The following ZDHHC3 variants were observed in gnomAD, a reference collection of about 807,000 sequenced individuals.
The protein encoded by ZDHHC3 is palmitoyltransferase ZDHHC3.
ZDHHC3 carries 9 observed loss-of-function variants against 30.6 expected under a neutral mutation model. That is an observed-to-expected ratio of 0.29 (90% confidence interval 0.18 to 0.51). ZDHHC3 has a LOEUF of 0.51. Ranked by LOEUF, ZDHHC3 falls within the 20% of genes least tolerant of loss-of-function variation. The pLI, the probability that ZDHHC3 is intolerant of heterozygous loss-of-function variation, is 0.97. For synonymous variants in ZDHHC3, 136 were observed against 140.2 expected, an observed-to-expected ratio of 0.97 and a Z score of 0.21; for missense variants, 246 against 384.2, an observed-to-expected ratio of 0.64 and a Z score of 3.01.
chr3:44,923,976 G>A lies in ZDHHC3; in HGVS notation c.*2713C>T, dbSNP rs535622438. ...CTAAGCCTTTTGCATATTCAGTCTA[G>A]TTGCTATGAACACAAACCTGACAGA... is the stretch of plus-strand genomic sequence containing the variant. On this transcript the variant is annotated 3_prime_UTR_variant, in exon 7 of 7. Transcript: ENST00000424952. 1 of 985,430 alleles carries A rather than the reference G, an allele frequency of 1.0e-6. No individual in the cohort carries two copies. The highest frequency in any genetic ancestry group is 1.1e-4 in the East Asian group (1 of 8,816). 61.0% of individuals were successfully genotyped at this position (985,430 alleles called of 1,614,324 possible).
rs1701649484 is a variant in ZDHHC3 at position 44,933,177 on chromosome 3, A to G, written c.551T>C (p.Leu184Ser). ...GAATCCCACCATGATGAGGGCGTGCAAGGAAATGAGAGCTATGTACATCTG... is the reference window on the plus strand; with the variant it reads ...GAATCCCACCATGATGAGGGCGTGCGAGGAAATGAGAGCTATGTACATCTG... Reference protein sequence around the residue: ...LFTMYIALISLHALIMVGFHF... With the variant: ...LFTMYIALISSHALIMVGFHF... Residue 184 changes from leucine to serine, a missense_variant, in exon 5 of 7, where the codon TTG (leucine) becomes TCG (serine). Transcript: ENST00000424952. 5.6e-6 allele frequency: 9 copies of G among 1,614,078 alleles called. No homozygotes were observed. The highest frequency in any genetic ancestry group is 6.8e-6 in the Non-Finnish European group (8 of 1,180,034).
At chr3:44,934,114 G>T in intron 3 of ZDHHC3, 130 bp from the exon 4 acceptor site, 2 of 877,654 alleles carry the variant, frequency 2.3e-6, no homozygotes, top group Non-Finnish European at 3.7e-6. Flanking sequence ...CAGGGGTTTT[G>T]CTGGGTGTGT....
intron 1 of ZDHHC3, among the ~76,000 whole-genome samples, chr3:44,965,611 T>A (rs1466452107): frequency 6.6e-6 from 1 of 152,154 alleles, no homozygotes; most frequent in African/African-American, 2.4e-5. Flanking sequence ...CTTTATCATG[T>A]GGCAAAAAAA....
In ZDHHC3 at chr3:44,922,476, G is replaced by A. The variant is rs909525086; in HGVS notation, c.*4213C>T. 4 of 985,254 alleles carry A rather than the reference G, an allele frequency of 4.1e-6. No homozygotes were observed. The highest frequency in any genetic ancestry group is 1.7e-5 in the African/African-American group (1 of 57,224). The allele number at this position is 985,254 out of a possible 1,614,324, so 61.0% of individuals were successfully genotyped here. On this transcript the variant is annotated 3_prime_UTR_variant, in exon 7 of 7. Transcript: ENST00000424952. ...TCATACAGACTTTCTTTGATGTCTT[G>A]GCAGTTGTTTGTTGGGGAGGCCGCA... is the stretch of plus-strand genomic sequence containing the variant.
chr3:44,921,171 ATCTGTGAACAAACTCAC>A lies in ZDHHC3; in HGVS notation c.*5501_*5517del. Reference sequence around the variant, plus strand: ...CAGTCTGGGTGACACATGAGCTGTGATCTGTGAACAAACTCACCAACACTCCAAAATGAATGTATTAG... The same window carrying A: ...CAGTCTGGGTGACACATGAGCTGTGACAACACTCCAAAATGAATGTATTAG... On this transcript the variant is annotated 3_prime_UTR_variant, in exon 7 of 7. Transcript: ENST00000424952. The A allele has an allele frequency of 1.0e-6, 1 of 985,424 alleles. No individual in the cohort carries two copies. Among genetic ancestry groups the A allele is most frequent in the Non-Finnish European group, 1.2e-6 (1 of 829,942 alleles). 61.0% of individuals were successfully genotyped at this position (985,424 alleles called of 1,614,324 possible). A position where few individuals can be genotyped will look rare whatever the true frequency, so the allele number is the denominator to read the frequency against.
In ZDHHC3 at chr3:44,917,873, G is replaced by A; in HGVS notation, c.*8816C>T. 1 of 1,295,782 alleles carries A rather than the reference G, an allele frequency of 7.7e-7. No individual in the cohort carries two copies. Among genetic ancestry groups the A allele is most frequent in the Non-Finnish European group, 1.0e-6 (1 of 987,662 alleles). The allele number at this position is 1,295,782 out of a possible 1,614,324, so 80.3% of individuals were successfully genotyped here. ...AGGTTGACAGCACTTTTTAGTGTTT[G>A]CTTCTCTCCCCACAGCAGCATCTAT... On this transcript the variant is annotated 3_prime_UTR_variant, in exon 7 of 7. Transcript: ENST00000424952.
chr3:44,961,932 C>T (rs1025637149), intron 1 of ZDHHC3, among the ~76,000 whole-genome samples: 3 of 152,344 alleles, frequency 2.0e-5, no homozygotes, highest in African/African-American at 7.2e-5. Context: ...AAGCCCTAGA[C>T]ATTTACTCCC....
In ZDHHC3 at chr3:44,926,800, T is replaced by G; in HGVS notation, c.789A>C (p.Thr263=). ...KKEERRWAKK[T]KWMNMKAVFG... is the part of the protein sequence containing the mutation. ...AAACGGCTTTCATGTTCATCCATTT[T>G]GTTTTTTTAGCCCATCTTCTCTCTT... Residue 263 remains threonine, a synonymous_variant, in exon 7 of 7, where the codon ACA becomes ACC. Transcript: ENST00000424952. 1.9e-6 allele frequency: 3 copies of G among 1,613,592 alleles called. No homozygotes were observed. The South Asian group carries it at 3.3e-5, about 18-fold the overall frequency.
intron 4 of ZDHHC3, among the ~76,000 whole-genome samples, 188 bp downstream of exon 4, chr3:44,933,700 A>C (rs1381610190): frequency 2.0e-5 from 3 of 152,244 alleles, no homozygotes; most frequent in Admixed American, 2.0e-4. Context: ...TCAATTTTCT[A>C]AACGCTCAAG....
At chr3:44,928,952 G>GTGGCCCCCAGA (rs1701240995) in intron 6 of ZDHHC3, among the ~76,000 whole-genome samples, 1 of 152,198 alleles carries the variant, frequency 6.6e-6, no homozygotes, top group African/African-American at 2.4e-5. Context: ...TTTCAAGCCT[G>GTGGCCCCCAGA]TGGCCCCCAG....
At chr3:44,971,561 C>T (rs114033768) in intron 1 of ZDHHC3, among the ~76,000 whole-genome samples, 1 of 152,336 alleles carries the variant, frequency 6.6e-6, no homozygotes, top group African/African-American at 2.4e-5. Context: ...CATCACCCCT[C>T]CACTTCTACT....
rs188348847 is a variant in ZDHHC3, at chr3:44,921,385, C to G, written c.*5304G>C. ...CATAGCGGGCCAGATAACACTGTCT[C>G]TCCTCATCAGAGATTTCATACCTCT... On this transcript the variant is annotated 3_prime_UTR_variant, in exon 7 of 7. Transcript: ENST00000424952. 225 of 985,438 alleles carry G rather than the reference C, an allele frequency of 2.3e-4. 1 individual carries two copies. The Middle Eastern group carries it at 4.2e-3, about 18-fold the overall frequency. The allele number at this position is 985,438 out of a possible 1,614,324, so 61.0% of individuals were successfully genotyped here.
intron 2 of ZDHHC3, among the ~76,000 whole-genome samples, chr3:44,948,760 TCTC>T (rs1407196553): frequency 6.6e-6 from 1 of 152,012 alleles, no homozygotes; most frequent in East Asian, 1.9e-4. Flanking sequence ...GGCCTACAGA[TCTC>T]CTGTCGTCTG....
At chr3:44,933,410 G>A (rs1461205811) in intron 4 of ZDHHC3, 20 of 603,720 alleles carry the variant, frequency 3.3e-5, no homozygotes, top group Non-Finnish European at 5.6e-5. Flanking sequence ...CCGGGAGTAC[G>A]TGGAACCAGA....
intron 2 of ZDHHC3, among the ~76,000 whole-genome samples, chr3:44,948,350 G>A (rs1703135098): frequency 6.6e-6 from 1 of 152,154 alleles, no homozygotes; most frequent in African/African-American, 2.4e-5. Flanking sequence ...TGAAGAAACA[G>A]AAAAATCTTT....
At chr3:44,928,217 T>C (rs1701171661) in intron 6 of ZDHHC3, among the ~76,000 whole-genome samples, 1 of 152,312 alleles carries the variant, frequency 6.6e-6, no homozygotes, top group East Asian at 1.9e-4. Flanking sequence ...CATCATTTCT[T>C]ATAAAAGAAA....
intron 6 of ZDHHC3, among the ~76,000 whole-genome samples, chr3:44,928,099 G>A (rs888337286): frequency 1.3e-5 from 2 of 152,222 alleles, no homozygotes; most frequent in Admixed American, 6.5e-5. Context: ...AATCCCCATC[G>A]GGTTCCCCGT....
chr3:44,931,452 C>T (rs1701478774), intron 5 of ZDHHC3, among the ~76,000 whole-genome samples: 1 of 152,160 alleles, frequency 6.6e-6, no homozygotes, highest in African/African-American at 2.4e-5. Context: ...GTGGAACCAC[C>T]TCCCTACCCT....
chr3:44,972,599 G>A (rs150601536), intron 1 of ZDHHC3, among the ~76,000 whole-genome samples: 10 of 152,268 alleles, frequency 6.6e-5, no homozygotes, highest in African/African-American at 1.9e-4. Context: ...TATTGTTGCC[G>A]GCTTGTGGCT....
Sources: gnomAD v4.1 joint callset for allele counts (sites outside exome capture counted in the v4.1 genomes callset) on GRCh38, gnomAD v4.1.1 for gene constraint, MANE v1.5 for transcripts, NCBI Gene and HGNC (gene_info 2026-07-23, HGNC 2026-07-21) for gene names.